FLRT1: variants seen among roughly 807,000 people sequenced by gnomAD.
FLRT1 encodes fibronectin leucine rich transmembrane protein 1, also known as leucine-rich repeat transmembrane protein FLRT1.
A neutral mutation model predicts 30.9 loss-of-function variants in FLRT1; 14 were observed. The ratio of observed to expected loss-of-function variants is 0.45; its 90% CI spans 0.30 to 0.71. The LOEUF (loss-of-function observed/expected upper bound fraction) is 0.71, where lower values mean the gene tolerates loss of function less well. FLRT1 is among the 30% of genes least tolerant of loss of function. The pLI, the probability that FLRT1 is intolerant of heterozygous loss-of-function variation, is 0.08. For missense variants in FLRT1, 737 were observed against 949.2 expected, an observed-to-expected ratio of 0.78 and a Z score of 2.94; for synonymous variants, 368 against 430.4, an observed-to-expected ratio of 0.85 and a Z score of 1.80.
At position 64,082,665 on chromosome 11, in the gene FLRT1, CA is replaced by C. The variant is rs1268774327; in HGVS notation, c.-1037-20528del. On this transcript the variant is annotated intron_variant, in intron 1 of 2. Coordinates refer to ENST00000682287, the MANE Select transcript of FLRT1 (RefSeq NM_013280.5). The surrounding 1 kb of genome is among the most constrained non-coding windows in gnomAD (Gnocchi z 4.5). ...GGTGGGGACCCCCAGCCTGGAGCCC[CA>C]GACCCCTGTCCTGCTCCACCCTGCA... is the stretch of plus-strand genomic sequence containing the variant. 6.6e-6 allele frequency among the ~76,000 whole-genome samples: 1 copy of C among 152,132 alleles called. No individual in the cohort carries two copies. Among genetic ancestry groups the C allele is most frequent in the Non-Finnish European group, 1.5e-5 (1 of 67,990 alleles).
rs1943383538 is a variant in FLRT1, at chr11:64,036,506, G to C, written c.-1038+347G>C. On this transcript the variant is annotated intron_variant, in intron 1 of 2. Transcript: ENST00000682287. This position sits in a 1 kb window ranked among gnomAD's most constrained non-coding sequence, Gnocchi z 5.6. Reference sequence around the variant, plus strand: ...GCTGCACCCCCCAGGGAGGGGGCCTGGCCCGTGGGGGGCGTCAGGCCGGTC... The same window carrying C: ...GCTGCACCCCCCAGGGAGGGGGCCTCGCCCGTGGGGGGCGTCAGGCCGGTC... Among the ~76,000 whole-genome samples, 1 of 152,102 alleles carries C rather than the reference G, an allele frequency of 6.6e-6. No individual in the cohort carries two copies. Among genetic ancestry groups the C allele is most frequent in the Non-Finnish European group, 1.5e-5 (1 of 67,978 alleles).
Position 64,116,517 on chromosome 11 carries a change from A to G in FLRT1, c.250A>G (p.Thr84Ala). 6.2e-7 allele frequency: 1 copy of G among 1,613,732 alleles called. No homozygotes were observed. Reference protein sequence around the residue: ...SIPADIPDDATTLYLQNNQIN... With the variant: ...SIPADIPDDAATLYLQNNQIN... ...CCCCGCAGATATCCCTGATGATGCC[A>G]CCACCCTCTACCTGCAGAACAACCA... The change falls in exon 3 of 3, where the codon ACC (threonine) becomes GCC (alanine). Residue 84 changes from threonine to alanine, a missense_variant. By Grantham distance (58) the Thr-to-Ala change is moderately conservative (BLOSUM62 0). Coordinates refer to ENST00000682287, the MANE Select transcript of FLRT1 (RefSeq NM_013280.5).
chr11:64,084,927 T>C (rs978303090), intron 1 of FLRT1, among the ~76,000 whole-genome samples: 1 of 152,212 alleles, frequency 6.6e-6, no homozygotes, highest in Non-Finnish European at 1.5e-5. Context: ...CAGCCAGCCT[T>C]GGTGCTGCCC....
In FLRT1 at chr11:64,062,012, C is replaced by G. The variant is rs374023464; in HGVS notation, c.-1038+25853C>G. Reference sequence around the variant, plus strand: ...CTACTTGCTTCTGTTAGTTACTTTCCCAAACAAATCCTGTCCTGAGATTCT... The same window carrying G: ...CTACTTGCTTCTGTTAGTTACTTTCGCAAACAAATCCTGTCCTGAGATTCT... On this transcript the variant is annotated intron_variant, in intron 1 of 2. Coordinates refer to ENST00000682287, the MANE Select transcript of FLRT1 (RefSeq NM_013280.5). Among the ~76,000 whole-genome samples the G allele has an allele frequency of 3.5e-5, 5 of 142,586 alleles. No homozygotes were observed. The East Asian group carries it at 9.0e-4, about 26-fold the overall frequency. 93.5% of individuals were successfully genotyped at this position (142,586 alleles called of 152,430 possible).
chr11:64,065,585 C>A (rs184881625), intron 1 of FLRT1, among the ~76,000 whole-genome samples: 2 of 151,628 alleles, frequency 1.3e-5, no homozygotes, highest in Non-Finnish European at 1.5e-5. Flanking sequence ...GTCAGGAGAT[C>A]AAGACCATCC....
chr11:64,075,699 T>C (rs548711499), intron 1 of FLRT1, among the ~76,000 whole-genome samples: 163 of 152,050 alleles, frequency 1.1e-3, no homozygotes, highest in African/African-American at 3.2e-3. Flanking sequence ...TGAGATGGAG[T>C]TGCGCTCTTC....
At position 64,067,515 on chromosome 11, in the gene FLRT1, TC is replaced by T. The variant is rs1944026996; in HGVS notation, c.-1038+31360del. The stretch of plus-strand genomic sequence containing the variant: ...GTCGGGGACGGGGACAGACGGCACC[TC>T]CCCAACTCCCCAGCCCCTCCCCCTG... On this transcript the variant is annotated intron_variant, in intron 1 of 2. Transcript: ENST00000682287. This position sits in a 1 kb window ranked among gnomAD's most constrained non-coding sequence, Gnocchi z 4.6. Among the ~76,000 whole-genome samples the T allele has an allele frequency of 6.6e-6, 1 of 151,540 alleles. No individual in the cohort carries two copies. Among genetic ancestry groups the T allele is most frequent in the Admixed American group, 6.6e-5 (1 of 15,230 alleles).
At chr11:64,070,699 A>T (rs529440981) in intron 1 of FLRT1, among the ~76,000 whole-genome samples, 59 of 152,348 alleles carry the variant, frequency 3.9e-4, no homozygotes, top group African/African-American at 1.4e-3. Flanking sequence ...GACTTTGAAA[A>T]ATAAAAAAGG....
intron 1 of FLRT1, among the ~76,000 whole-genome samples, chr11:64,079,202 G>C (rs550712923): frequency 2.6e-5 from 4 of 152,118 alleles, no homozygotes; most frequent in Non-Finnish European, 5.9e-5. Context: ...GAGGGAAGAG[G>C]GTGTGTAGGG....
chr11:64,049,408 C>T (rs1160951446), intron 1 of FLRT1, among the ~76,000 whole-genome samples: 2 of 152,182 alleles, frequency 1.3e-5, no homozygotes, highest in African/African-American at 4.8e-5. Context: ...GCCCCCTGAG[C>T]ACTTCCTGTG....
At chr11:64,058,732 C>G (rs1462289365) in intron 1 of FLRT1, among the ~76,000 whole-genome samples, 1 of 152,272 alleles carries the variant, frequency 6.6e-6, no homozygotes, top group Non-Finnish European at 1.5e-5. Context: ...ATTACCTCGC[C>G]TCCTGCTTGC....
chr11:64,058,922 T>A (rs947132262), intron 1 of FLRT1, among the ~76,000 whole-genome samples: 1 of 151,782 alleles, frequency 6.6e-6, no homozygotes, highest in Admixed American at 6.6e-5. Flanking sequence ...GAGGTGGGGG[T>A]GAGTGACACA....
At chr11:64,076,802 G>A (rs141349103) in intron 1 of FLRT1, among the ~76,000 whole-genome samples, 57 of 152,276 alleles carry the variant, frequency 3.7e-4, no homozygotes, top group African/African-American at 1.2e-3. Context: ...CTGGGCTCCC[G>A]TCCCTCCTAC....
At chr11:64,040,439 C>T (rs1408179372) in intron 1 of FLRT1, among the ~76,000 whole-genome samples, 1 of 152,114 alleles carries the variant, frequency 6.6e-6, no homozygotes, top group Non-Finnish European at 1.5e-5. Context: ...AGGGCTGGGG[C>T]TGGTGGGCTG....
intron 1 of FLRT1, among the ~76,000 whole-genome samples, chr11:64,084,889 G>T (rs567683369): frequency 6.6e-6 from 1 of 152,238 alleles, no homozygotes; most frequent in Non-Finnish European, 1.5e-5. Context: ...CTGCGTGTGT[G>T]GGGGCTCTGC....
At chr11:64,105,413 C>G (rs897678277) in intron 2 of FLRT1, among the ~76,000 whole-genome samples, 1 of 152,208 alleles carries the variant, frequency 6.6e-6, no homozygotes, top group African/African-American at 2.4e-5. Context: ...GGCAGACAGA[C>G]CTGGGTTGGG....
Position 64,064,240 on chromosome 11 carries a change from T to C in FLRT1, c.-1038+28081T>C, listed in dbSNP as rs1369409977. ...GAAAAAAATCCCAAACTGCACAGCCTAGGGTTGGGGACAAAAAGCAACCAA... is the reference window on the plus strand; with the variant it reads ...GAAAAAAATCCCAAACTGCACAGCCCAGGGTTGGGGACAAAAAGCAACCAA... On this transcript the variant is annotated intron_variant, in intron 1 of 2. Transcript: ENST00000682287. This position sits in a 1 kb window ranked among gnomAD's most constrained non-coding sequence, Gnocchi z 4.5. Among the ~76,000 whole-genome samples, 3 of 152,226 alleles carry C rather than the reference T, an allele frequency of 2.0e-5. No individual in the cohort carries two copies. Among genetic ancestry groups the C allele is most frequent in the African/African-American group, 7.2e-5 (3 of 41,550 alleles).
Position 64,082,004 on chromosome 11 carries a change from T to G in FLRT1, c.-1037-21190T>G, listed in dbSNP as rs1342142502. 1 of 152,102 alleles carries G rather than the reference T, an allele frequency of 6.6e-6. No individual in the cohort carries two copies. The highest frequency in any genetic ancestry group is 2.4e-5 in the African/African-American group (1 of 41,372). The allele number at this position is 152,102 out of a possible 1,614,324, so 9.4% of individuals were successfully genotyped here. On this transcript the variant is annotated intron_variant, in intron 1 of 2. Coordinates refer to ENST00000682287, the MANE Select transcript of FLRT1 (RefSeq NM_013280.5). The surrounding 1 kb of genome is among the most constrained non-coding windows in gnomAD (Gnocchi z 4.5). ...ACAGCTGTGTCAATAAAGCAGCCAT[T>G]TACAGAGCGGGCGCCGGATCCCGTG...
intron 1 of FLRT1, among the ~76,000 whole-genome samples, chr11:64,093,515 C>T (rs1007075137): frequency 2.0e-5 from 3 of 152,254 alleles, no homozygotes; most frequent in Non-Finnish European, 2.9e-5. Context: ...CAGCCTGGCC[C>T]ACCTTTGGGC....
Sources: allele counts gnomAD v4.1 joint callset (sites outside exome capture counted in the v4.1 genomes callset), GRCh38; gene constraint gnomAD v4.1.1; non-coding constraint Gnocchi (gnomAD v3.1); transcripts MANE v1.5; gene names NCBI Gene and HGNC (gene_info 2026-07-23, HGNC 2026-07-21).